The following COL5A2 variants were observed in gnomAD, a reference collection of about 807,000 sequenced individuals.
COL5A2 encodes the protein collagen alpha-2(V) chain.
COL5A2 carries 23 observed loss-of-function variants against 208.2 expected under a neutral mutation model. The ratio of observed to expected loss-of-function variants is 0.11; its 90% CI spans 0.08 to 0.16. COL5A2 has a LOEUF of 0.16. Ranked by LOEUF, COL5A2 falls within the 10% of genes least tolerant of loss-of-function variation. COL5A2 has a pLI of 1.00. For missense variants in COL5A2, 1,590 were observed against 1,956.4 expected (o/e 0.81, Z 3.53); for synonymous variants, 625 against 628.5 (o/e 0.99, Z 0.08).
chr2:189,382,230 A>G, the COL5A2 span, among the ~76,000 whole-genome samples: 1 of 152,170 alleles, frequency 6.6e-6, no homozygotes, highest in Non-Finnish European at 1.5e-5. Flanking sequence ...AAGCTAAAGA[A>G]TTCCTCTTTA....
chr2:189,139,148 G>A lies in COL5A2; in HGVS notation c.98-28699C>T, dbSNP rs559485831. On this transcript the variant is annotated intron_variant, in intron 1 of 53. Coordinates refer to ENST00000374866, the MANE Select transcript of COL5A2 (RefSeq NM_000393.5). ...CACCAGGCTTGGCGCGGTGGCTCAC[G>A]TCTGTAATCCCAGCACTTTGGGAGG... Among the ~76,000 whole-genome samples, 8 of 152,184 alleles carry A rather than the reference G, an allele frequency of 5.3e-5. No individual in the cohort carries two copies. The East Asian group carries it at 1.2e-3, about 22-fold the overall frequency.
intron 33 of COL5A2, among the ~76,000 whole-genome samples, chr2:189,057,967 A>G (rs1685937647): frequency 1.3e-5 from 2 of 152,186 alleles, no homozygotes; most frequent in African/African-American, 4.8e-5. Context: ...ACTAAATGGC[A>G]CACATTTCTG....
chr2:189,225,074 TG>T (rs1453494130), intron 1 of COL5A2, among the ~76,000 whole-genome samples: 1 of 152,156 alleles, frequency 6.6e-6, no homozygotes, highest in Non-Finnish European at 1.5e-5. Context: ...AGAGATATTA[TG>T]GGGTATATAT....
intron 1 of COL5A2, among the ~76,000 whole-genome samples, chr2:189,160,520 C>T (rs1010267273): frequency 6.6e-6 from 1 of 152,168 alleles, no homozygotes; most frequent in Non-Finnish European, 1.5e-5. Context: ...AAAATCCTCA[C>T]TGGACTCTAC....
chr2:189,323,923 A>G, the COL5A2 span, among the ~76,000 whole-genome samples: 2 of 152,218 alleles, frequency 1.3e-5, no homozygotes, highest in Non-Finnish European at 2.9e-5. Flanking sequence ...TTCAAACTAT[A>G]CTACAAGGCT....
chr2:189,220,400 G>C (rs1689333938), intron 1 of COL5A2, among the ~76,000 whole-genome samples: 1 of 151,504 alleles, frequency 6.6e-6, no homozygotes, highest in African/African-American at 2.4e-5. Flanking sequence ...CAAATTAGTA[G>C]AAAACTGTTT....
chr2:189,296,152 C>T, the COL5A2 span, among the ~76,000 whole-genome samples: 1 of 152,076 alleles, frequency 6.6e-6, no homozygotes, highest in Admixed American at 6.6e-5. Flanking sequence ...TGTCTTTATG[C>T]TTCAATGTAG....
At chr2:189,304,281 AT>A in the COL5A2 span, among the ~76,000 whole-genome samples, 1 of 152,098 alleles carries the variant, frequency 6.6e-6, no homozygotes, top group African/African-American at 2.4e-5. Context: ...CATAACTCTC[AT>A]TTTTTTACCT....
the COL5A2 span, among the ~76,000 whole-genome samples, chr2:189,430,034 G>C: frequency 6.6e-6 from 1 of 152,068 alleles, no homozygotes; most frequent in Admixed American, 6.5e-5. Flanking sequence ...GTATTTACTG[G>C]CATTGACAGA....
chr2:189,411,452 T>C, the COL5A2 span, among the ~76,000 whole-genome samples: 1 of 152,178 alleles, frequency 6.6e-6, no homozygotes, highest in Non-Finnish European at 1.5e-5. Flanking sequence ...GAAAAGAAAG[T>C]AGTTAGGTGT....
the COL5A2 span, among the ~76,000 whole-genome samples, chr2:189,439,731 T>C: frequency 6.6e-6 from 1 of 152,208 alleles, no homozygotes; most frequent in African/African-American, 2.4e-5. Flanking sequence ...AATCCTCCTA[T>C]ACATTTATCA....
chr2:189,043,206 C>G lies in COL5A2; in HGVS notation c.3416G>C (p.Arg1139Thr). 6.2e-7 allele frequency: 1 copy of G among 1,614,020 alleles called. No homozygotes were observed. Among genetic ancestry groups the G allele is most frequent in the Non-Finnish European group, 8.5e-7 (1 of 1,179,928 alleles). The stretch of plus-strand genomic sequence containing the variant: ...AAAGCCTCTGTGGCCCTTCTGACCT[C>G]TGTCACCTCGGTCTCCATGATCACC... ...DKGDHGDRGD[R>T]GQKGHRGFTG... Residue 1139 changes from arginine (R) to threonine (T), a missense_variant, in exon 48 of 54, where the codon AGA becomes ACA. By Grantham distance (71) the Arg-to-Thr change is moderately conservative. Transcript: ENST00000374866.
At chr2:189,074,962 T>C (rs1007764233) in intron 17 of COL5A2, among the ~76,000 whole-genome samples, 5 of 152,254 alleles carry the variant, frequency 3.3e-5, no homozygotes, top group Admixed American at 1.3e-4. Flanking sequence ...TTAACTACTA[T>C]AGAAAAGAGC....
intron 1 of COL5A2, among the ~76,000 whole-genome samples, chr2:189,207,082 T>C (rs1318071274): frequency 1.3e-5 from 2 of 152,210 alleles, no homozygotes; most frequent in African/African-American, 4.8e-5. Context: ...ACTTAAAAGA[T>C]TGGAAAATAT....
In COL5A2 at chr2:189,189,547, A is replaced by G. The variant is rs186098370; in HGVS notation, c.-42+35601T>C. 2.5e-3 allele frequency among the ~76,000 whole-genome samples: 381 copies of G among 152,298 alleles called. 3 individuals are homozygous for G. The highest frequency in any genetic ancestry group is 3.9e-3 in the Admixed American group (60 of 15,304). On this transcript the variant is annotated intron_variant, in intron 1 of 10. Coordinates refer to the COL5A2 transcript ENST00000649966. ...ACAAATAATAATAATAAAATAAATT[A>G]GCCAGGCATGGTGAGGACCACTTGA...
chr2:189,061,623 G>A lies in COL5A2; in HGVS notation c.1978-8C>T. ...TCTTTCACCAGCTAGACCCTAAGTT[G>A]TGAAGGAGAAAATAATTGTGAATAT... On this transcript the variant is annotated splice_region_variant and splice_polypyrimidine_tract_variant and intron_variant, in intron 29 of 53. Transcript: ENST00000374866. 6.2e-7 allele frequency: 1 copy of A among 1,609,952 alleles called. No homozygotes were observed. The highest frequency in any genetic ancestry group is 8.5e-7 in the Non-Finnish European group (1 of 1,176,432).
chr2:189,076,388 A>T (rs546779868), intron 16 of COL5A2, among the ~76,000 whole-genome samples: 1 of 152,184 alleles, frequency 6.6e-6, no homozygotes, highest in Non-Finnish European at 1.5e-5. Context: ...CACAATGGAA[A>T]ATATTGTCAC....
At chr2:189,326,880 G>A in the COL5A2 span, among the ~76,000 whole-genome samples, 1 of 152,080 alleles carries the variant, frequency 6.6e-6, no homozygotes, top group South Asian at 2.1e-4. Context: ...AGACCAGCCT[G>A]TCCAGCATGG....
chr2:189,427,157 C>T, the COL5A2 span, among the ~76,000 whole-genome samples: 9 of 152,242 alleles, frequency 5.9e-5, no homozygotes, highest in African/African-American at 2.2e-4. Flanking sequence ...CCCAGGGCCC[C>T]TCTGCCCCAT....
Sources: gnomAD v4.1 joint callset for allele counts (sites outside exome capture counted in the v4.1 genomes callset) on GRCh38, gnomAD v4.1.1 for gene constraint, MANE v1.5 for transcripts, NCBI Gene and HGNC (gene_info 2026-07-23, HGNC 2026-07-21) for gene names.